The following CTNNA2 variants were observed in gnomAD, a reference collection of about 807,000 sequenced individuals.
CTNNA2 encodes the protein catenin alpha 2.
CTNNA2 carries 42 observed loss-of-function variants against 101.0 expected under a neutral mutation model. The ratio of observed to expected loss-of-function variants is 0.42; its 90% CI spans 0.32 to 0.54. The LOEUF is 0.54. Among genes scored for constraint, CTNNA2 ranks in the 20% least tolerant of loss-of-function variants. The pLI, the probability that CTNNA2 is intolerant of heterozygous loss-of-function variation, is 0.14. For missense variants in CTNNA2, 871 were observed against 1,223.1 expected (o/e 0.71, Z 4.29); for synonymous variants, 450 against 456.4 (o/e 0.99, Z 0.18).
At chr2:79,365,038 G>A (rs1352680489) in intron 3 of CTNNA2, among the ~76,000 whole-genome samples, 1 of 152,074 alleles carries the variant, frequency 6.6e-6, no homozygotes, top group Non-Finnish European at 1.5e-5. Context: ...TACTTTGGGA[G>A]GTGAGGTGGG....
intron 7 of CTNNA2, among the ~76,000 whole-genome samples, chr2:80,240,292 G>T (rs1316764129): frequency 6.6e-6 from 1 of 152,212 alleles, no homozygotes; most frequent in East Asian, 1.9e-4. Context: ...TTGGCTTTAG[G>T]ATATCTTAGA....
At chr2:79,242,597 C>T (rs1465393459) in intron 2 of CTNNA2, among the ~76,000 whole-genome samples, 1 of 152,136 alleles carries the variant, frequency 6.6e-6, no homozygotes, top group East Asian at 1.9e-4. Flanking sequence ...AAAATAACAT[C>T]ACCTAACATA....
At chr2:79,637,949 G>C (rs939550554) in intron 1 of CTNNA2, among the ~76,000 whole-genome samples, 2 of 152,188 alleles carry the variant, frequency 1.3e-5, no homozygotes, top group Non-Finnish European at 1.5e-5. Context: ...CATAGGTCAA[G>C]TGCCTGAACA....
chr2:79,833,439 C>T (rs1679078468), intron 3 of CTNNA2, among the ~76,000 whole-genome samples: 1 of 152,180 alleles, frequency 6.6e-6, no homozygotes, highest in South Asian at 2.1e-4. Context: ...CAGCATCCTT[C>T]TCTCTTTTCC....
chr2:79,559,159 G>A (rs2104114023), intron 1 of CTNNA2, among the ~76,000 whole-genome samples: 1 of 152,016 alleles, frequency 6.6e-6, no homozygotes, highest in Admixed American at 6.6e-5. Context: ...TTGAGAAGCT[G>A]AACTTTCTAA....
chr2:79,608,194 C>A (rs1385539307), intron 1 of CTNNA2, among the ~76,000 whole-genome samples: 1 of 151,964 alleles, frequency 6.6e-6, no homozygotes, highest in African/African-American at 2.4e-5. Context: ...TTCAAGGTCA[C>A]AGACTACCAA....
At chr2:80,137,990 C>T (rs909468995) in intron 7 of CTNNA2, among the ~76,000 whole-genome samples, 20 of 152,056 alleles carry the variant, frequency 1.3e-4, no homozygotes, top group African/African-American at 4.6e-4. Context: ...TGGACAAGTT[C>T]AAACTCAGTT....
At chr2:79,918,762 G>C (rs924170145) in intron 7 of CTNNA2, among the ~76,000 whole-genome samples, 5 of 151,956 alleles carry the variant, frequency 3.3e-5, no homozygotes, top group Non-Finnish European at 5.9e-5. Flanking sequence ...TTAAACCTGG[G>C]GCTCAAAAAA....
intron 4 of CTNNA2, among the ~76,000 whole-genome samples, chr2:79,422,039 G>C (rs1485655827): frequency 6.6e-6 from 1 of 152,132 alleles, no homozygotes; most frequent in Non-Finnish European, 1.5e-5. Flanking sequence ...TCTAATCCCA[G>C]TTACTTGGGA....
intron 7 of CTNNA2, among the ~76,000 whole-genome samples, chr2:79,997,825 G>A (rs184170840): frequency 2.6e-5 from 4 of 152,222 alleles, no homozygotes; most frequent in Middle Eastern, 3.4e-3. Context: ...GAATTAAGGC[G>A]AACCTTAATC....
At chr2:79,602,351 T>TA (rs1222437637) in intron 1 of CTNNA2, among the ~76,000 whole-genome samples, 74 of 149,226 alleles carry the variant, frequency 5.0e-4, no homozygotes, top group African/African-American at 1.5e-3. Flanking sequence ...ATTCATGATT[T>TA]AAAAAAAAAA....
At chr2:79,390,375 C>T (rs72919149) in intron 4 of CTNNA2, among the ~76,000 whole-genome samples, 6,921 of 152,196 alleles carry the variant, frequency 0.045, 527 homozygotes, top group African/African-American at 0.16. Flanking sequence ...ACTTCAAACC[C>T]CAGACTTACG....
intron 9 of CTNNA2, among the ~76,000 whole-genome samples, chr2:80,490,276 CCCCA>C (rs1686943113): frequency 1.8e-5 from 1 of 55,368 alleles, no homozygotes. Flanking sequence ...TTCCTTCCCC[CCCCA>C]CCCCCCCCCC....
At chr2:79,674,238 G>A (rs919918466) in intron 2 of CTNNA2, among the ~76,000 whole-genome samples, 2 of 152,154 alleles carry the variant, frequency 1.3e-5, no homozygotes, top group African/African-American at 4.8e-5. Flanking sequence ...CCCTATTTTA[G>A]AGAAAGCTTC....
chr2:79,869,535 A>G (rs1236146314), intron 4 of CTNNA2, among the ~76,000 whole-genome samples: 1 of 152,184 alleles, frequency 6.6e-6, no homozygotes, highest in East Asian at 1.9e-4. Context: ...AAAGGTCGAT[A>G]TCTTTCCAAA....
At chr2:80,550,518 GAGTC>G (rs1474079360) in intron 11 of CTNNA2, among the ~76,000 whole-genome samples, 4 of 152,142 alleles carry the variant, frequency 2.6e-5, no homozygotes, top group Non-Finnish European at 4.4e-5. Flanking sequence ...TTTCAAATTG[GAGTC>G]AGTCCTCTCA....
chr2:79,337,574 AAAG>A lies in CTNNA2; in HGVS notation c.-318+24783_-318+24785del, dbSNP rs572212642. ...CCCTGAACCTAAAATAAAAGTAGAAAAAGAAGACTTCCTTCTACCATTTCACAA... is the reference window on the plus strand; with the variant it reads ...CCCTGAACCTAAAATAAAAGTAGAAAAAGACTTCCTTCTACCATTTCACAA... On this transcript the variant is annotated intron_variant, in intron 3 of 21. Coordinates refer to the CTNNA2 transcript ENST00000466387. 1.1e-4 allele frequency among the ~76,000 whole-genome samples: 16 copies of A among 152,316 alleles called. No individual in the cohort carries two copies. The South Asian group carries it at 1.9e-3, about 18-fold the overall frequency.
intron 5 of CTNNA2, among the ~76,000 whole-genome samples, chr2:79,507,232 A>G (rs753162418): frequency 5.9e-5 from 9 of 152,212 alleles, no homozygotes; most frequent in Non-Finnish European, 1.2e-4. Flanking sequence ...GTATTCACTG[A>G]TAAGAATAAA....
At chr2:79,339,178 A>C (rs1297121300) in intron 3 of CTNNA2, among the ~76,000 whole-genome samples, 1 of 152,176 alleles carries the variant, frequency 6.6e-6, no homozygotes, top group African/African-American at 2.4e-5. Flanking sequence ...TATAACATAA[A>C]AAACATGGAT....
Sources: gnomAD v4.1 joint callset for allele counts (sites outside exome capture counted in the v4.1 genomes callset) on GRCh38, gnomAD v4.1.1 for gene constraint, MANE v1.5 for transcripts, NCBI Gene and HGNC (gene_info 2026-07-23, HGNC 2026-07-21) for gene names.